Variants in PDE10A observed in about 807,000 individuals in gnomAD.
PDE10A encodes cAMP and cAMP-inhibited cGMP 3',5'-cyclic phosphodiesterase 10A.
In PDE10A, 39 loss-of-function variants were observed where a neutral mutation model predicts 97.7. That is an observed-to-expected ratio of 0.40 (90% CI 0.31 to 0.52). The LOEUF is 0.52. Among genes scored for constraint, PDE10A ranks in the 20% least tolerant of loss-of-function variants. PDE10A has a pLI of 0.56. For missense variants in PDE10A, 731 were observed against 1,047.8 expected (o/e 0.70, Z 4.17); for synonymous variants, 371 against 376.8 (o/e 0.98, Z 0.18).
chr6:165,701,604 A>G (rs1791571490), intron 1 of PDE10A, among the ~76,000 whole-genome samples: 1 of 152,078 alleles, frequency 6.6e-6, no homozygotes, highest in South Asian at 2.1e-4. Context: ...TGAGAACCAG[A>G]TAGCTTGGTG....
At chr6:165,383,947 C>T (rs996572718) in intron 17 of PDE10A, among the ~76,000 whole-genome samples, 7 of 151,938 alleles carry the variant, frequency 4.6e-5, no homozygotes, top group African/African-American at 1.7e-4. Flanking sequence ...AGAGAGAACC[C>T]GGCCAATGGC....
intron 1 of PDE10A, among the ~76,000 whole-genome samples, chr6:165,621,021 A>G (rs77461561): frequency 1.5e-5 from 2 of 132,176 alleles, no homozygotes; most frequent in Admixed American, 1.5e-4. Context: ...CTCTGTCTCA[A>G]AAAAAAAAAA....
Position 165,329,057 on chromosome 6 carries a change from T to C in PDE10A, c.*3968A>G, listed in dbSNP as rs1436911051. On this transcript the variant is annotated 3_prime_UTR_variant, in exon 22 of 22. Coordinates refer to ENST00000539869, the MANE Select transcript of PDE10A (RefSeq NM_001385079.1). ...TTGCAGTAGAAGAGATCCACTATAGTGACTAAATGAATATAGTCTTTAAAG... is the reference window on the plus strand; with the variant it reads ...TTGCAGTAGAAGAGATCCACTATAGCGACTAAATGAATATAGTCTTTAAAG... 1 of 152,226 alleles carries C rather than the reference T, an allele frequency of 6.6e-6. No individual in the cohort carries two copies. The highest frequency in any genetic ancestry group is 2.4e-5 in the African/African-American group (1 of 41,458). The allele number at this position is 152,226 out of a possible 1,614,324, so 9.4% of individuals were successfully genotyped here.
chr6:165,857,231 CAT>C (rs1422232955), intron 1 of PDE10A, among the ~76,000 whole-genome samples: 1 of 152,116 alleles, frequency 6.6e-6, no homozygotes, highest in African/African-American at 2.4e-5. Context: ...CCTAAGACTC[CAT>C]CTCAGTCGGC....
At chr6:165,608,005 CAT>C (rs1209640034) in intron 1 of PDE10A, among the ~76,000 whole-genome samples, 1 of 151,626 alleles carries the variant, frequency 6.6e-6, no homozygotes, top group Non-Finnish European at 1.5e-5. Flanking sequence ...TCCCAGGACT[CAT>C]ATTATTCTAC....
intron 14 of PDE10A, among the ~76,000 whole-genome samples, chr6:165,395,518 TTTG>T (rs1235556066): frequency 6.6e-6 from 1 of 152,132 alleles, no homozygotes; most frequent in African/African-American, 2.4e-5. Context: ...TGATGCTTCA[TTTG>T]TTGTCAGAGA....
At chr6:165,651,641 A>G (rs1789691431) in intron 1 of PDE10A, among the ~76,000 whole-genome samples, 1 of 152,210 alleles carries the variant, frequency 6.6e-6, no homozygotes, top group Non-Finnish European at 1.5e-5. Flanking sequence ...AATGTGGATT[A>G]ACTTATCAAT....
At chr6:165,538,045 C>T (rs979485008) in intron 2 of PDE10A, among the ~76,000 whole-genome samples, 1 of 151,950 alleles carries the variant, frequency 6.6e-6, no homozygotes, top group Non-Finnish European at 1.5e-5. Flanking sequence ...TATACTAGCA[C>T]AGAAACCATC....
intron 1 of PDE10A, among the ~76,000 whole-genome samples, chr6:165,939,172 T>C (rs537781730): frequency 6.6e-6 from 1 of 152,206 alleles, no homozygotes; most frequent in Non-Finnish European, 1.5e-5. Context: ...AGACAAACCA[T>C]AACCCAAAAG....
intron 1 of PDE10A, among the ~76,000 whole-genome samples, chr6:165,611,775 T>C (rs1418608254): frequency 3.3e-5 from 5 of 152,256 alleles, no homozygotes; most frequent in Non-Finnish European, 7.3e-5. Context: ...GTTTATTGCA[T>C]ACAACCATAA....
At chr6:165,973,765 G>C (rs1034034795) in intron 1 of PDE10A, among the ~76,000 whole-genome samples, 1 of 152,216 alleles carries the variant, frequency 6.6e-6, no homozygotes, top group African/African-American at 2.4e-5. Flanking sequence ...GAAATGGCTG[G>C]ACCGCAGCAG....
intron 2 of PDE10A, among the ~76,000 whole-genome samples, chr6:165,534,311 C>CA (rs71029552): frequency 0.55 from 71,670 of 130,594 alleles, 22,259 homozygotes; most frequent in South Asian, 0.73. Flanking sequence ...AGTCTTCCAT[C>CA]AAAAAAAAAA....
At chr6:165,428,564 G>A (rs1305830824) in intron 10 of PDE10A, 94 bp downstream of exon 10, 1 of 633,560 alleles carries the variant, frequency 1.6e-6, no homozygotes. Flanking sequence ...TATTGAAAGT[G>A]CCTGTGGATG....
chr6:165,553,044 C>T (rs1031324468), intron 1 of PDE10A, among the ~76,000 whole-genome samples: 3 of 152,142 alleles, frequency 2.0e-5, no homozygotes, highest in African/African-American at 7.2e-5. Context: ...CTGCCCAAAG[C>T]CTACATGAGA....
intron 1 of PDE10A, among the ~76,000 whole-genome samples, chr6:165,639,553 C>T (rs1420318194): frequency 2.0e-5 from 3 of 151,926 alleles, no homozygotes; most frequent in Non-Finnish European, 2.9e-5. Context: ...GCCTGGCCAA[C>T]ATGGCAAAAT....
intron 1 of PDE10A, among the ~76,000 whole-genome samples, chr6:165,586,285 G>C (rs1196884514): frequency 1.3e-5 from 2 of 152,066 alleles, no homozygotes; most frequent in Non-Finnish European, 2.9e-5. Context: ...AATATAATGA[G>C]AATCAAATAA....
intron 1 of PDE10A, among the ~76,000 whole-genome samples, chr6:165,961,230 C>G (rs1784350723): frequency 6.6e-6 from 1 of 152,106 alleles, no homozygotes; most frequent in Non-Finnish European, 1.5e-5. Flanking sequence ...GAATTTCAGT[C>G]CCAAAAAACA....
At chr6:165,389,453 C>G (rs1161444401) in intron 16 of PDE10A, among the ~76,000 whole-genome samples, 4 of 152,106 alleles carry the variant, frequency 2.6e-5, no homozygotes, top group Non-Finnish European at 5.9e-5. Flanking sequence ...TTTTGACTGT[C>G]AGAGTGTGAA....
chr6:165,874,509 A>G (rs1781283314), intron 1 of PDE10A, among the ~76,000 whole-genome samples: 1 of 152,256 alleles, frequency 6.6e-6, no homozygotes, highest in Admixed American at 6.5e-5. Flanking sequence ...AAGAAGGATG[A>G]CATAACTAGG....
Sources: gnomAD v4.1 joint callset for allele counts (sites outside exome capture counted in the v4.1 genomes callset) on GRCh38, gnomAD v4.1.1 for gene constraint, MANE v1.5 for transcripts, NCBI Gene and HGNC (gene_info 2026-07-23, HGNC 2026-07-21) for gene names.